Variants in ITGA8 observed in about 807,000 individuals in gnomAD.
ITGA8 encodes integrin alpha-8.
A neutral mutation model predicts 142.3 loss-of-function variants in ITGA8; 91 were observed. The ratio of observed to expected loss-of-function variants is 0.64; its 90% CI spans 0.54 to 0.76. The LOEUF is 0.76. Ranked by LOEUF, ITGA8 falls within the 30% of genes least tolerant of loss-of-function variation. The pLI, the probability that ITGA8 is intolerant of heterozygous loss-of-function variation, is 0.00. For synonymous variants in ITGA8, 505 were observed against 485.2 expected, an observed-to-expected ratio of 1.04 and a Z score of -0.54; for missense variants, 1,406 against 1,327.7, an observed-to-expected ratio of 1.06 and a Z score of -0.92.
intron 2 of ITGA8, among the ~76,000 whole-genome samples, chr10:15,690,393 C>T (rs1322136442): frequency 6.6e-6 from 1 of 152,216 alleles, no homozygotes; most frequent in African/African-American, 2.4e-5. Flanking sequence ...TGCACCCTCA[C>T]ACCCAGGATC....
At chr10:15,519,228 T>C in intron 29 of ITGA8, 62 bp downstream of exon 29, 1 of 1,582,966 alleles carries the variant, frequency 6.3e-7, no homozygotes, top group Non-Finnish European at 8.6e-7. Flanking sequence ...CCTAACTGTA[T>C]CCCTCTAAAT....
chr10:15,547,019 G>T (rs1265107072), intron 27 of ITGA8, among the ~76,000 whole-genome samples: 1 of 151,674 alleles, frequency 6.6e-6, no homozygotes, highest in Non-Finnish European at 1.5e-5. Context: ...AAAAATCTAG[G>T]GATAAAAAAA....
intron 28 of ITGA8, among the ~76,000 whole-genome samples, chr10:15,527,840 T>C (rs954825922): frequency 5.9e-5 from 9 of 151,346 alleles, no homozygotes; most frequent in Non-Finnish European, 1.2e-4. Flanking sequence ...ATTAGAGCTC[T>C]GATGCTTCTC....
At chr10:15,691,993 G>C (rs1834943181) in intron 2 of ITGA8, among the ~76,000 whole-genome samples, 1 of 152,102 alleles carries the variant, frequency 6.6e-6, no homozygotes, top group South Asian at 2.1e-4. Context: ...CTAGAATGCA[G>C]TGGCACGATC....
intron 9 of ITGA8, among the ~76,000 whole-genome samples, 156 bp downstream of exon 9, chr10:15,660,723 T>A (rs1834269148): frequency 6.6e-6 from 1 of 152,184 alleles, no homozygotes; most frequent in Non-Finnish European, 1.5e-5. Context: ...TTAAGGTAGG[T>A]TAGGTAAGCT....
Position 15,589,767 on chromosome 10 carries a change from T to TC in ITGA8, c.2291+2457_2291+2458insG, listed in dbSNP as rs1350867187. On this transcript the variant is annotated intron_variant, in intron 22 of 29. Transcript: ENST00000378076. ...CAGTGTTTTACTCAAACGCTGTATT[T>TC]TTTTTTTTTTTTTGAGATGGGGTCT... Among the ~76,000 whole-genome samples the TC allele has an allele frequency of 2.4e-4, 36 of 150,486 alleles. No individual in the cohort carries two copies. The South Asian group carries it at 6.4e-3, about 27-fold the overall frequency.
intron 11 of ITGA8, among the ~76,000 whole-genome samples, chr10:15,653,831 CTTT>C (rs111283505): frequency 7.7e-6 from 1 of 130,012 alleles, no homozygotes; most frequent in African/African-American, 2.7e-5. Flanking sequence ...TTTCTTTTTT[CTTT>C]TTTTTTTTTT....
At chr10:15,683,199 T>A (rs1012158216) in intron 4 of ITGA8, among the ~76,000 whole-genome samples, 3 of 152,098 alleles carry the variant, frequency 2.0e-5, no homozygotes, top group African/African-American at 4.8e-5. Flanking sequence ...TATCAACAAA[T>A]CCTAGTGATC....
chr10:15,655,289 G>GA, intron 11 of ITGA8, 65 bp downstream of exon 11: 1 of 1,097,820 alleles, frequency 9.1e-7, no homozygotes. Flanking sequence ...TTTTGTGAAG[G>GA]AAAAACATAA....
intron 28 of ITGA8, among the ~76,000 whole-genome samples, chr10:15,523,817 G>A (rs549597050): frequency 4.0e-5 from 6 of 150,786 alleles, no homozygotes; most frequent in East Asian, 1.9e-4. Flanking sequence ...CTGTAGTCTC[G>A]GCTGCTCAGG....
At chr10:15,588,468 T>C (rs1346874146) in intron 22 of ITGA8, among the ~76,000 whole-genome samples, 1 of 152,212 alleles carries the variant, frequency 6.6e-6, no homozygotes, top group Non-Finnish European at 1.5e-5. Context: ...AATGTGTGTG[T>C]GTGTTTTTAA....
At chr10:15,554,059 T>G (rs1833841987) in intron 26 of ITGA8, among the ~76,000 whole-genome samples, 1 of 152,206 alleles carries the variant, frequency 6.6e-6, no homozygotes, top group South Asian at 2.1e-4. Context: ...ATATGATTAA[T>G]TTAATATGGC....
Position 15,672,866 on chromosome 10 carries a change from T to G in ITGA8, c.677-117A>C. ...AATTGCTTGCTTTTTTGATGATGAA[T>G]TTTCCCGCCTGCCGCTCAAACTCCA... On this transcript the variant is annotated intron_variant, in intron 6 of 29. Coordinates refer to ENST00000378076, the MANE Select transcript of ITGA8 (RefSeq NM_003638.3). The G allele has an allele frequency of 2.6e-6, 3 of 1,133,314 alleles. No individual in the cohort carries two copies. The East Asian group carries it at 8.5e-5, about 32-fold the overall frequency. The allele number at this position is 1,133,314 out of a possible 1,614,324, so 70.2% of individuals were successfully genotyped here.
At chr10:15,692,058 C>T (rs934521065) in intron 2 of ITGA8, among the ~76,000 whole-genome samples, 2 of 152,110 alleles carry the variant, frequency 1.3e-5, no homozygotes, top group Admixed American at 6.5e-5. Flanking sequence ...CCATCTCAGC[C>T]TCTCAAGTAG....
In ITGA8 at chr10:15,643,894, A is replaced by G. The variant is rs984347784; in HGVS notation, c.1399+136T>C. The G allele has an allele frequency of 7.3e-6, 5 of 681,638 alleles. No individual in the cohort carries two copies. In the Middle Eastern group the frequency reaches 1.4e-3, roughly 197 times the overall value. 42.2% of individuals were successfully genotyped at this position (681,638 alleles called of 1,614,324 possible). On this transcript the variant is annotated intron_variant, in intron 13 of 29. Transcript: ENST00000378076. The stretch of plus-strand genomic sequence containing the variant: ...CATGAAAGTCGCTCTGGAATCGTAC[A>G]TTAAAAAAGCCTGTGGCATGCTTAA...
intron 22 of ITGA8, among the ~76,000 whole-genome samples, chr10:15,587,133 G>T (rs1832846353): frequency 6.6e-6 from 1 of 152,096 alleles, no homozygotes; most frequent in Non-Finnish European, 1.5e-5. Flanking sequence ...ATGTTGGCCA[G>T]GATGGTCTCT....
At chr10:15,539,175 A>T (rs1357592281) in intron 27 of ITGA8, among the ~76,000 whole-genome samples, 1 of 152,080 alleles carries the variant, frequency 6.6e-6, no homozygotes, top group Non-Finnish European at 1.5e-5. Flanking sequence ...TCAAAGTGAG[A>T]AGGAGTTCGT....
chr10:15,540,795 C>G (rs535174878), intron 27 of ITGA8, among the ~76,000 whole-genome samples: 303 of 152,170 alleles, frequency 2.0e-3, no homozygotes, highest in African/African-American at 7.1e-3. Context: ...AAAACAAGAC[C>G]TGGTATAGAC....
At position 15,718,258 on chromosome 10, in the gene ITGA8, A is replaced by G. The variant is rs150767958; in HGVS notation, c.343+508T>C. The stretch of plus-strand genomic sequence containing the variant: ...CTCTGCCTGCACTAGTTTGCATTCA[A>G]TGTCTAATACTTTGAAAGAAAATTC... On this transcript the variant is annotated intron_variant, in intron 2 of 29. Coordinates refer to ENST00000378076, the MANE Select transcript of ITGA8 (RefSeq NM_003638.3). 5.1e-4 allele frequency among the ~76,000 whole-genome samples: 77 copies of G among 152,316 alleles called. 1 individual carries two copies. The East Asian group carries it at 0.013, about 26-fold the overall frequency.
Sources: gnomAD v4.1 joint callset for allele counts (sites outside exome capture counted in the v4.1 genomes callset) on GRCh38, gnomAD v4.1.1 for gene constraint, MANE v1.5 for transcripts, NCBI Gene and HGNC (gene_info 2026-07-23, HGNC 2026-07-21) for gene names.